The following GRIA3 variants were observed in gnomAD, a reference collection of about 807,000 sequenced individuals.
GRIA3 encodes the protein glutamate ionotropic receptor AMPA type subunit 3, also known as glutamate receptor 3.
A neutral mutation model predicts 63.0 loss-of-function variants in GRIA3; 3 were observed. That is an observed-to-expected ratio of 0.05 (90% CI 0.02 to 0.12). The LOEUF (loss-of-function observed/expected upper bound fraction) is 0.12. Among genes scored for constraint, GRIA3 ranks in the 10% least tolerant of loss-of-function variants. The probability of loss-of-function intolerance (pLI) is 1.00; values close to 1 mark genes in which losing one functional copy is unlikely to be tolerated. For missense variants in GRIA3, 347 were observed against 700.9 expected, an observed-to-expected ratio of 0.50 and a Z score of 5.70; for synonymous variants, 274 against 257.9, an observed-to-expected ratio of 1.06 and a Z score of -0.60.
intron 3 of GRIA3, among the ~76,000 whole-genome samples, chrX:123,255,456 A>G (rs750160454): frequency 9.0e-6 from 1 of 110,681 alleles, no homozygotes; most frequent in Non-Finnish European, 1.9e-5. Context: ...GTGCATATCA[A>G]TTTCGTTTTC....
At chrX:123,296,811 T>C (rs1472213478) in intron 3 of GRIA3, among the ~76,000 whole-genome samples, 1 of 111,321 alleles carries the variant, frequency 9.0e-6, no homozygotes, top group African/African-American at 3.3e-5. Flanking sequence ...CATCTTTATA[T>C]TGTTCACAGT....
At chrX:123,372,054 T>A (rs1421500912) in intron 5 of GRIA3, among the ~76,000 whole-genome samples, 2 of 112,111 alleles carry the variant, frequency 1.8e-5, no homozygotes, top group African/African-American at 3.2e-5. Context: ...GATGTTTGTA[T>A]AAAGTGAGAG....
intron 10 of GRIA3, among the ~76,000 whole-genome samples, chrX:123,416,154 T>C (rs1200530487): frequency 8.9e-6 from 1 of 111,976 alleles, no homozygotes; most frequent in Non-Finnish European, 1.9e-5. Flanking sequence ...TCATATAGAA[T>C]AAGCACTCAA....
chrX:123,465,055 G>C lies in GRIA3; in HGVS notation c.2267G>C (p.Gly756Ala). The C allele has an allele frequency of 8.3e-7, 1 of 1,208,820 alleles. No homozygotes were observed. ...AAACCATGTGATACGATGAAAGTTG[G>C]TGGAAATCTGGATTCCAAAGGCTAT... ...QRKPCDTMKV[G>A]GNLDSKGYGV... The change falls in exon 13 of 16, where the codon GGT becomes GCT. Residue 756 changes from glycine to alanine, a missense_variant. Physicochemically the swap from Gly to Ala is moderately conservative, Grantham distance 60 (BLOSUM62 0). Transcript: ENST00000620443.
rs767411983 is a variant in GRIA3 at position 123,310,246 on chromosome X, T to C, written c.509-15780T>C. Among the ~76,000 whole-genome samples, 3 of 113,188 alleles carry C rather than the reference T, an allele frequency of 2.7e-5. No homozygotes were observed. The East Asian group carries it at 8.3e-4, about 31-fold the overall frequency. ...TAAGTGACTCAGGGCTTTCCCCCTG[T>C]AAACTCTCCAGCCCCAGATTCTAGT... On this transcript the variant is annotated intron_variant, in intron 3 of 15. Transcript: ENST00000620443.
Position 123,482,961 on chromosome X carries a change from C to A in GRIA3, c.2602C>A (p.Pro868Thr), listed in dbSNP as rs144351025. ...KLTKNTQNFK[P>T]APATNTQNYA... The stretch of plus-strand genomic sequence containing the variant: ...CACAAAGAACACCCAAAACTTTAAG[C>A]CTGCTCCTGCCACCAACACTCAGAA... The change falls in exon 15 of 16, where the codon CCT becomes ACT. Residue 868 changes from proline (P) to threonine (T), a missense_variant. This residue lies in a region of GRIA3 where 29 missense variants were observed against 46.7 expected (regional missense o/e 0.62). Transcript: ENST00000620443. 2.5e-6 allele frequency: 3 copies of A among 1,203,736 alleles called. No homozygotes were observed. In the African/African-American group the frequency reaches 5.3e-5, roughly 21 times the overall value.
At chrX:123,376,933 C>CT (rs11310583) in intron 5 of GRIA3, among the ~76,000 whole-genome samples, 37,146 of 73,557 alleles carry the variant, frequency 0.5, 9,710 homozygotes, top group Middle Eastern at 0.62. Flanking sequence ...TTCATTCACT[C>CT]TTTTTTTTTT....
At chrX:123,249,044 G>A (rs151165404) in intron 2 of GRIA3, among the ~76,000 whole-genome samples, 79 of 111,802 alleles carry the variant, frequency 7.1e-4, no homozygotes, top group African/African-American at 2.3e-3. Context: ...TTTCATGCAG[G>A]TGAATCCTGA....
At chrX:123,297,515 T>C (rs2044692703) in intron 3 of GRIA3, among the ~76,000 whole-genome samples, 1 of 111,857 alleles carries the variant, frequency 8.9e-6, no homozygotes, top group African/African-American at 3.2e-5. Flanking sequence ...TGGGGAAAAG[T>C]GGTAACAATA....
chrX:123,377,930 T>C lies in GRIA3; in HGVS notation c.751-17038T>C, dbSNP rs141897156. Reference sequence around the variant, plus strand: ...AGTATAAAAATGTGTATTCCCTTAATATTTTTGGATTTTATAAAAAGAAGT... The same window carrying C: ...AGTATAAAAATGTGTATTCCCTTAACATTTTTGGATTTTATAAAAAGAAGT... On this transcript the variant is annotated intron_variant, in intron 5 of 15. Transcript: ENST00000620443. 1.6e-3 allele frequency among the ~76,000 whole-genome samples: 181 copies of C among 112,489 alleles called. 2 individuals are homozygous for C. The highest frequency in any genetic ancestry group is 5.5e-3 in the African/African-American group (171 of 30,973).
At chrX:123,398,444 C>T (rs1323470205) in intron 6 of GRIA3, among the ~76,000 whole-genome samples, 192 bp from the exon 7 acceptor site, 1 of 111,808 alleles carries the variant, frequency 8.9e-6, no homozygotes, top group Admixed American at 9.6e-5. Context: ...AATTGTAACA[C>T]ATGCACACAT....
At chrX:123,461,230 G>T (rs2045790891) in intron 12 of GRIA3, among the ~76,000 whole-genome samples, 1 of 111,840 alleles carries the variant, frequency 8.9e-6, no homozygotes, top group South Asian at 3.8e-4. Context: ...TTTGCTGGCT[G>T]CCAAGAGGGC....
At chrX:123,456,679 G>A (rs2045763470) in intron 12 of GRIA3, among the ~76,000 whole-genome samples, 1 of 111,473 alleles carries the variant, frequency 9.0e-6, no homozygotes, top group South Asian at 3.9e-4. Flanking sequence ...GAAGAAAGGA[G>A]GAAAAGAGGG....
At chrX:123,234,883 C>T (rs1036337842) in intron 2 of GRIA3, among the ~76,000 whole-genome samples, 1 of 111,488 alleles carries the variant, frequency 9.0e-6, no homozygotes, top group Non-Finnish European at 1.9e-5. Context: ...TCAAATAGCA[C>T]ATATGCATTG....
At chrX:123,327,455 T>C (rs2044912762) in intron 4 of GRIA3, among the ~76,000 whole-genome samples, 1 of 111,462 alleles carries the variant, frequency 9.0e-6, no homozygotes, top group African/African-American at 3.3e-5. Context: ...CCAGTGTACC[T>C]AGGGGCCAAA....
chrX:123,417,845 G>A (rs1355285485), intron 11 of GRIA3, 67 bp downstream of exon 11: 1 of 955,101 alleles, frequency 1.0e-6, no homozygotes, highest in East Asian at 3.1e-5. Flanking sequence ...ATGTACATAT[G>A]GTATTCATCC....
chrX:123,373,397 G>A (rs1220339143), intron 5 of GRIA3, among the ~76,000 whole-genome samples: 2 of 111,397 alleles, frequency 1.8e-5, no homozygotes, highest in Non-Finnish European at 3.8e-5. Flanking sequence ...GAGATGGCTG[G>A]GTCAAATGGT....
chrX:123,238,187 C>T (rs1419563125), intron 2 of GRIA3, among the ~76,000 whole-genome samples: 1 of 111,545 alleles, frequency 9.0e-6, no homozygotes, highest in Admixed American at 9.5e-5. Context: ...TTCACCTTCC[C>T]AACTCAAAAG....
At chrX:123,387,001 C>T (rs1289982449) in intron 5 of GRIA3, among the ~76,000 whole-genome samples, 1 of 111,115 alleles carries the variant, frequency 9.0e-6, no homozygotes, top group East Asian at 2.8e-4. Context: ...TGAAATATGA[C>T]ATTGGTATTT....
Sources: allele counts gnomAD v4.1 joint callset (sites outside exome capture counted in the v4.1 genomes callset), GRCh38; gene constraint gnomAD v4.1.1; regional missense constraint gnomAD v4.1.1; transcripts MANE v1.5; gene names NCBI Gene and HGNC (gene_info 2026-07-23, HGNC 2026-07-21).